Variants in FREM1 observed in about 807,000 individuals in gnomAD.
FREM1 encodes FRAS1-related extracellular matrix protein 1.
Under a neutral mutation model 210.1 loss-of-function variants are expected in FREM1, and 220 were observed. The ratio of observed to expected loss-of-function variants is 1.05; its 90% CI spans 0.94 to 1.17. The LOEUF is 1.17. FREM1 is among the 50% of genes most tolerant of loss of function. The pLI, the probability that FREM1 is intolerant of heterozygous loss-of-function variation, is 0.00. For synonymous variants in FREM1, 1,189 were observed against 980.2 expected, an observed-to-expected ratio of 1.21 and a Z score of -3.98; for missense variants, 3,454 against 2,675.5, an observed-to-expected ratio of 1.29 and a Z score of -6.42.
chr9:14,774,511 A>ATCTCTCTCTCTCTCTCTC (rs36211636), intron 25 of FREM1, among the ~76,000 whole-genome samples: 5 of 136,258 alleles, frequency 3.7e-5, no homozygotes, highest in African/African-American at 5.7e-5. Flanking sequence ...CCTAAAATAA[A>ATCTCTCTCTCTCTCTCTC]TCTCTCTCTC....
At position 14,746,341 on chromosome 9, in the gene FREM1, AG is replaced by A. The variant is rs1183961432; in HGVS notation, c.6254+11del. 6.3e-7 allele frequency: 1 copy of A among 1,575,012 alleles called. No homozygotes were observed. Among genetic ancestry groups the A allele is most frequent in the South Asian group, 1.1e-5 (1 of 89,934 alleles). On this transcript the variant is annotated intron_variant, in intron 35 of 36. Coordinates refer to ENST00000380880, the MANE Select transcript of FREM1 (RefSeq NM_001379081.2). ...AGAAAACACCAATCAAATGTGCAAT[AG>A]GGTGCCTTACTGTTCCCTGCAAGCT...
Position 14,775,789 on chromosome 9 carries a change from C to G in FREM1, c.4857G>C (p.Gln1619His), listed in dbSNP as rs1299605919. ...AATGAACTGTGTTTTTCATACTTGCCTGAATGGTGAATAAAACAGGTTCTT... is the reference window on the plus strand; with the variant it reads ...AATGAACTGTGTTTTTCATACTTGCGTGAATGGTGAATAAAACAGGTTCTT... ...VWEEPVLFTI[Q>H]VDQLDKTAPR... is the part of the protein sequence containing the mutation. The change falls in exon 25 of 37, where the codon CAG becomes CAC. Residue 1619 changes from glutamine to histidine, a missense_variant and splice_region_variant. Coordinates refer to ENST00000380880, the MANE Select transcript of FREM1 (RefSeq NM_001379081.2). 1 of 1,606,312 alleles carries G rather than the reference C, an allele frequency of 6.2e-7. No individual in the cohort carries two copies. Among genetic ancestry groups the G allele is most frequent in the Non-Finnish European group, 8.5e-7 (1 of 1,173,838 alleles).
intron 6 of FREM1, among the ~76,000 whole-genome samples, chr9:14,850,190 C>T (rs1289017594): frequency 1.3e-5 from 2 of 152,134 alleles, no homozygotes; most frequent in African/African-American, 4.8e-5. Context: ...AAGACTTTAA[C>T]CAGCTGTCCT....
chr9:14,870,835 T>C (rs1217781690), intron 1 of FREM1, among the ~76,000 whole-genome samples: 1 of 128,598 alleles, frequency 7.8e-6, no homozygotes, highest in Non-Finnish European at 1.6e-5. Context: ...CCCCAGAGTG[T>C]GATGTTCCCC....
rs555564889 is a variant in FREM1 at position 14,800,320 on chromosome 9, G to A, written c.3694+1332C>T. On this transcript the variant is annotated intron_variant, in intron 20 of 36. Transcript: ENST00000380880. ...GCAAAGGAGGGGGAAGGACCTTACA[G>A]GCTGGGAAAAGAAAACACCTAAGGA... Among the ~76,000 whole-genome samples, 15 of 152,288 alleles carry A rather than the reference G, an allele frequency of 9.8e-5. No individual in the cohort carries two copies. The East Asian group carries it at 2.9e-3, about 29-fold the overall frequency.
At chr9:14,769,104 G>A (rs528334358) in intron 27 of FREM1, among the ~76,000 whole-genome samples, 1 of 152,266 alleles carries the variant, frequency 6.6e-6, no homozygotes, top group East Asian at 1.9e-4. Context: ...TGAAATTGCT[G>A]TGGTCTGTTA....
intron 3 of FREM1, 121 bp downstream of exon 3, chr9:14,863,688 T>C: frequency 3.2e-6 from 2 of 618,844 alleles, no homozygotes; most frequent in South Asian, 4.4e-5. Context: ...TTCTGTTGAT[T>C]ACTTTCTTGT....
intron 23 of FREM1, among the ~76,000 whole-genome samples, chr9:14,788,148 A>T (rs1447853913): frequency 6.6e-6 from 1 of 152,194 alleles, no homozygotes; most frequent in African/African-American, 2.4e-5. Flanking sequence ...AGGATCTAAG[A>T]TTATGCTTCA....
chr9:14,892,030 T>C (rs1836906637), intron 1 of FREM1, among the ~76,000 whole-genome samples: 2 of 152,212 alleles, frequency 1.3e-5, no homozygotes, highest in African/African-American at 4.8e-5. Context: ...CACTTTACTC[T>C]ATGGACTCAC....
At chr9:14,840,453 A>G (rs1348357321) in intron 10 of FREM1, among the ~76,000 whole-genome samples, 1 of 152,220 alleles carries the variant, frequency 6.6e-6, no homozygotes, top group Non-Finnish European at 1.5e-5. Context: ...GAAGGCAAAA[A>G]GGATCAAGTC....
At position 14,749,943 on chromosome 9, in the gene FREM1, A is replaced by T. The variant is rs117423112; in HGVS notation, c.5557+184T>A. Among the ~76,000 whole-genome samples the T allele has an allele frequency of 7.4e-3, 1,132 of 152,350 alleles. 5 individuals carry two copies. Among genetic ancestry groups the T allele is most frequent in the Non-Finnish European group, 0.012 (837 of 68,028 alleles). Reference sequence around the variant, plus strand: ...TTGCTTTTCTCAAGTGATCGTACTTAGCAGGAGGAAAACCACATGAAGCAG... The same window carrying T: ...TTGCTTTTCTCAAGTGATCGTACTTTGCAGGAGGAAAACCACATGAAGCAG... On this transcript the variant is annotated intron_variant, in intron 30 of 36. Transcript: ENST00000380880.
At chr9:14,747,812 G>A in intron 31 of FREM1, 84 bp from the exon 32 acceptor site, 1 of 739,846 alleles carries the variant, frequency 1.4e-6, no homozygotes, top group South Asian at 2.0e-5. Context: ...GTAAGATCTT[G>A]CTAATGTCTG....
chr9:14,904,351 C>T (rs1817318222), intron 1 of FREM1, among the ~76,000 whole-genome samples: 1 of 152,038 alleles, frequency 6.6e-6, no homozygotes, highest in East Asian at 1.9e-4. Flanking sequence ...TCACAGAAAG[C>T]ACAAATCCAA....
At chr9:14,895,764 T>A (rs143051661) in intron 1 of FREM1, among the ~76,000 whole-genome samples, 2 of 152,194 alleles carry the variant, frequency 1.3e-5, no homozygotes, top group East Asian at 3.9e-4. Context: ...CTTGACATAC[T>A]GACGCTTTCT....
chr9:14,842,697 G>C (rs1170984654), intron 8 of FREM1, 37 bp from the exon 9 acceptor site: 2 of 1,487,208 alleles, frequency 1.3e-6, no homozygotes, highest in East Asian at 2.3e-5. Context: ...GATTGAGCAA[G>C]GGAGTGCAGA....
At position 14,797,621 on chromosome 9, in the gene FREM1, T is replaced by C. The variant is rs776837545; in HGVS notation, c.3716A>G (p.His1239Arg). 3.2e-5 allele frequency: 51 copies of C among 1,612,668 alleles called. No homozygotes were observed. The highest frequency in any genetic ancestry group is 4.1e-5 in the Non-Finnish European group (48 of 1,179,264). The change falls in exon 21 of 37, where the codon CAT becomes CGT. Residue 1239 changes from histidine (H) to arginine (R), a missense_variant. By Grantham distance (29) the His-to-Arg change is conservative. Transcript: ENST00000380880. ...ATCAGCAAGGCTCTCTGAGTCATCA[T>C]GCATGTACGTCAACCTCATTCCTGG... ...LKTGMRLTYM[H>R]DDSESLADDF...
intron 1 of FREM1, among the ~76,000 whole-genome samples, chr9:14,895,464 A>C (rs1296484820): frequency 4.0e-5 from 6 of 151,874 alleles, no homozygotes; most frequent in Admixed American, 1.3e-4. Flanking sequence ...CAGAAGAAAC[A>C]AGAAGGATGG....
At chr9:14,806,109 C>A (rs1818293074) in intron 18 of FREM1, among the ~76,000 whole-genome samples, 1 of 151,976 alleles carries the variant, frequency 6.6e-6, no homozygotes, top group Admixed American at 6.6e-5. Context: ...CTTGTATTTT[C>A]CATAAGTAAA....
chr9:14,820,120 C>T (rs908040205), intron 13 of FREM1, among the ~76,000 whole-genome samples: 1 of 152,198 alleles, frequency 6.6e-6, no homozygotes, highest in East Asian at 1.9e-4. Context: ...GATATTTTAT[C>T]ACCTCATTGG....
Sources: allele counts gnomAD v4.1 joint callset (sites outside exome capture counted in the v4.1 genomes callset), GRCh38; gene constraint gnomAD v4.1.1; transcripts MANE v1.5; gene names NCBI Gene and HGNC (gene_info 2026-07-23, HGNC 2026-07-21).